Variants in CLTRN observed in about 807,000 individuals in gnomAD.
CLTRN encodes the protein collectrin, amino acid transport regulator, also known as collectrin.
In CLTRN, 12 loss-of-function variants were observed where a neutral mutation model predicts 14.5. The observed-to-expected ratio is 0.83, with a 90% CI of 0.53 to 1.34. The LOEUF (loss-of-function observed/expected upper bound fraction) is 1.34. Ranked by LOEUF, CLTRN falls within the 40% of genes most tolerant of loss-of-function variation. The pLI is 0.00. For synonymous variants in CLTRN, 58 were observed against 56.5 expected (o/e 1.03, Z -0.12); for missense variants, 154 against 165.1 (o/e 0.93, Z 0.37).
chrX:15,675,598 G>T (rs1601744948), upstream of CLTRN: 1 of 112,691 alleles, frequency 8.9e-6, no homozygotes, highest in African/African-American at 3.3e-5. Flanking sequence ...CTGGGGAAGC[G>T]TGGCCAGGGC....
chrX:15,657,977 T>C, intron 3 of CLTRN, among the ~76,000 whole-genome samples: 1 of 112,035 alleles, frequency 8.9e-6, no homozygotes, highest in Middle Eastern at 4.3e-3. Flanking sequence ...ATTGTGGATG[T>C]GAGGGAGACC....
chrX:15,663,171 G>A (rs770407817), intron 2 of CLTRN, among the ~76,000 whole-genome samples: 1 of 111,861 alleles, frequency 8.9e-6, no homozygotes, highest in Non-Finnish European at 1.9e-5. Flanking sequence ...ATTTGCATTT[G>A]GTTTACTGAA....
intron 1 of CLTRN, among the ~76,000 whole-genome samples, chrX:15,673,724 C>T (rs1929761825): frequency 1.8e-5 from 2 of 112,410 alleles, no homozygotes; most frequent in Admixed American, 9.4e-5. Context: ...GAGAAAGGAA[C>T]TTTTACACTT....
intron 4 of CLTRN, among the ~76,000 whole-genome samples, chrX:15,644,537 CT>C (rs1199201068): frequency 2.7e-5 from 3 of 110,966 alleles, no homozygotes; most frequent in Admixed American, 9.6e-5. Context: ...ATGATTTTAC[CT>C]TTTTTTAAAA....
chrX:15,674,752 G>C (rs1929788548), intron 1 of CLTRN, among the ~76,000 whole-genome samples: 1 of 112,900 alleles, frequency 8.9e-6, no homozygotes, highest in Non-Finnish European at 1.9e-5. Flanking sequence ...ATCAAGTATC[G>C]CACCTAAAAG....
intron 3 of CLTRN, among the ~76,000 whole-genome samples, chrX:15,653,883 A>G (rs1929286189): frequency 1.8e-5 from 2 of 113,033 alleles, no homozygotes; most frequent in South Asian, 7.3e-4. Context: ...ATTCACTTTA[A>G]TAATCATTTT....
At chrX:15,667,577 A>G (rs1485497954), upstream of CLTRN, among the ~76,000 whole-genome samples, 5 of 112,988 alleles carry the variant, frequency 4.4e-5, no homozygotes, top group African/African-American at 1.6e-4. Flanking sequence ...AATGTTTTCT[A>G]AATATTTGGA....
At position 15,628,094 on chromosome X, in the gene CLTRN, A is replaced by G. The variant is rs1381080982; in HGVS notation, c.546T>C (p.Ala182=). 5 of 1,131,939 alleles carry G rather than the reference A, an allele frequency of 4.4e-6. No homozygotes were observed. In the African/African-American group the frequency reaches 7.3e-5, roughly 17 times the overall value. The allele number at this position is 1,131,939 out of a possible 1,213,427, so 93.3% of individuals were successfully genotyped here. ...TGATCATGTTTTCACACTTATCTTC[A>G]GCGTCATCCACTTCAGATGGTTCTT... The part of the protein sequence containing the change: ...KNKEPSEVDD[A]EDKCENMITI... Residue 182 remains alanine (A), a synonymous_variant, in exon 6 of 6, where the codon GCT becomes GCC. Coordinates refer to ENST00000380342, the MANE Select transcript of CLTRN (RefSeq NM_020665.6).
intron 3 of CLTRN, among the ~76,000 whole-genome samples, chrX:15,656,927 G>C (rs887059948): frequency 2.7e-5 from 3 of 110,944 alleles, no homozygotes; most frequent in African/African-American, 9.9e-5. Context: ...TACTTTTCTT[G>C]AAGGTGCCAT....
At chrX:15,646,565 G>C in intron 3 of CLTRN, 1 of 339,921 alleles carries the variant, frequency 2.9e-6, no homozygotes, top group Non-Finnish European at 5.9e-6. Flanking sequence ...ACTTCCACGG[G>C]AAGCGCTGGG....
At chrX:15,636,773 C>T (rs1242802617) in intron 5 of CLTRN, among the ~76,000 whole-genome samples, 3 of 111,371 alleles carry the variant, frequency 2.7e-5, no homozygotes, top group Admixed American at 1.9e-4. Flanking sequence ...TTATTTAGTG[C>T]ACACTATATC....
chrX:15,664,644 G>C (rs1340192194), intron 1 of CLTRN, 74 bp downstream of exon 1: 10 of 970,497 alleles, frequency 1.0e-5, no homozygotes, highest in Admixed American at 2.5e-5. Context: ...GAAAAATAAA[G>C]AGTTCTTTCA....
At chrX:15,659,191 T>TA in intron 2 of CLTRN, 90 bp from the exon 3 acceptor site, 1 of 346,805 alleles carries the variant, frequency 2.9e-6, no homozygotes, top group Admixed American at 3.3e-5. Context: ...TCTCTCTCTC[T>TA]CCACACACAC....
At chrX:15,630,942 A>G (rs1158082860) in intron 5 of CLTRN, among the ~76,000 whole-genome samples, 2 of 112,315 alleles carry the variant, frequency 1.8e-5, no homozygotes, top group African/African-American at 3.2e-5. Flanking sequence ...AGCAAAGGAA[A>G]TCAACATTCT....
intron 3 of CLTRN, among the ~76,000 whole-genome samples, chrX:15,655,308 G>A (rs1929325104): frequency 8.9e-6 from 1 of 112,388 alleles, no homozygotes; most frequent in South Asian, 3.7e-4. Flanking sequence ...CCCGCTTTGA[G>A]AGGTCTTCTG....
Position 15,659,628 on chromosome X carries a change from T to A in CLTRN, c.118-527A>T, listed in dbSNP as rs1402566120. Among the ~76,000 whole-genome samples, 6 of 111,555 alleles carry A rather than the reference T, an allele frequency of 5.4e-5. No individual in the cohort carries two copies. The East Asian group carries it at 1.4e-3, about 26-fold the overall frequency. ...TTTAACTCTATTTGGAGACAGGGTC[T>A]TTGCAGTGATGATTAAGTCAAAATG... On this transcript the variant is annotated intron_variant, in intron 2 of 5. Transcript: ENST00000380342.
intron 3 of CLTRN, among the ~76,000 whole-genome samples, chrX:15,648,309 G>C (rs1478133192): frequency 1.8e-5 from 2 of 111,644 alleles, no homozygotes; most frequent in Admixed American, 1.9e-4. Flanking sequence ...ACATCAGTAC[G>C]ATCAGGCCAG....
Position 15,628,022 on chromosome X carries a change from C to T in CLTRN, c.618G>A (p.Gly206=), listed in dbSNP as rs1487165781. 1 of 1,135,110 alleles carries T rather than the reference C, an allele frequency of 8.8e-7. No homozygotes were observed. 93.5% of individuals were successfully genotyped at this position (1,135,110 alleles called of 1,213,427 possible). Residue 206 remains glycine, a synonymous_variant, in exon 6 of 6, where the codon GGG becomes GGA. Coordinates refer to ENST00000380342, the MANE Select transcript of CLTRN (RefSeq NM_020665.6). ...CTGTCATGAAGGCATCATTAATATG[C>T]CCTCCCTTCATGTCCAGGGGATCAG... ...IPSDPLDMKG[G]HINDAFMTED...
chrX:15,629,299 T>C, intron 5 of CLTRN, among the ~76,000 whole-genome samples: 1 of 111,621 alleles, frequency 9.0e-6, no homozygotes, highest in South Asian at 3.8e-4. Context: ...GGTGAGTCTC[T>C]GACAGGTGAG....
Sources: allele counts gnomAD v4.1 joint callset (sites outside exome capture counted in the v4.1 genomes callset), GRCh38; gene constraint gnomAD v4.1.1; transcripts MANE v1.5; gene names NCBI Gene and HGNC (gene_info 2026-07-23, HGNC 2026-07-21).